ADAMTSL1: variants seen among roughly 807,000 people sequenced by gnomAD.
The protein encoded by ADAMTSL1 is ADAMTS like 1.
Under a neutral mutation model 201.8 loss-of-function variants are expected in ADAMTSL1, and 126 were observed. That is an observed-to-expected ratio of 0.62 (90% CI 0.54 to 0.72). ADAMTSL1 has a LOEUF of 0.72. ADAMTSL1 is among the 30% of genes least tolerant of loss of function. ADAMTSL1 has a pLI of 0.00. For synonymous variants in ADAMTSL1, 1,121 were observed against 903.4 expected (o/e 1.24, Z -4.32); for missense variants, 2,679 against 2,277.8 (o/e 1.18, Z -3.59).
At chr9:18,241,988 G>T (rs1017698598) in intron 2 of ADAMTSL1, among the ~76,000 whole-genome samples, 1 of 151,936 alleles carries the variant, frequency 6.6e-6, no homozygotes, top group Non-Finnish European at 1.5e-5. Context: ...TACTCGAGGG[G>T]GAGTACTTCC....
intron 2 of ADAMTSL1, among the ~76,000 whole-genome samples, chr9:18,164,502 A>G (rs1337842297): frequency 2.0e-5 from 3 of 151,770 alleles, no homozygotes; most frequent in Non-Finnish European, 4.4e-5. Flanking sequence ...AAACAATAGT[A>G]CAGTTGACTG....
chr9:18,545,531 T>C (rs992753459), intron 3 of ADAMTSL1, among the ~76,000 whole-genome samples: 7 of 152,170 alleles, frequency 4.6e-5, no homozygotes, highest in Non-Finnish European at 1.5e-5. Context: ...GCTAGAAGTA[T>C]ATGAACTGCT....
intron 2 of ADAMTSL1, among the ~76,000 whole-genome samples, chr9:18,284,652 T>C (rs1297582741): frequency 2.0e-5 from 3 of 152,238 alleles, no homozygotes; most frequent in Non-Finnish European, 4.4e-5. Context: ...TATGTGATCA[T>C]GTTGAATTTT....
At chr9:18,867,450 T>A (rs952783371) in intron 23 of ADAMTSL1, among the ~76,000 whole-genome samples, 2 of 152,106 alleles carry the variant, frequency 1.3e-5, no homozygotes, top group East Asian at 3.9e-4. Context: ...TGCAAATGTG[T>A]TTTTCTTTTT....
chr9:18,521,979 C>T (rs983689921), intron 2 of ADAMTSL1, among the ~76,000 whole-genome samples: 9 of 152,146 alleles, frequency 5.9e-5, no homozygotes, highest in Non-Finnish European at 1.3e-4. Flanking sequence ...GGGTGTTCAG[C>T]ATCCAGTCTG....
intron 25 of ADAMTSL1, among the ~76,000 whole-genome samples, chr9:18,890,114 G>A (rs543413732): frequency 3.3e-5 from 5 of 152,214 alleles, no homozygotes; most frequent in Non-Finnish European, 7.4e-5. Context: ...CTTTTCAATC[G>A]AAGGGCTGAG....
intron 23 of ADAMTSL1, among the ~76,000 whole-genome samples, chr9:18,862,883 T>C (rs879665783): frequency 2.6e-5 from 4 of 152,098 alleles, no homozygotes; most frequent in Non-Finnish European, 4.4e-5. Context: ...TTAAAAAAAA[T>C]GCTGATGTGT....
intron 19 of ADAMTSL1, among the ~76,000 whole-genome samples, chr9:18,793,707 C>T (rs961828438): frequency 6.6e-6 from 1 of 152,182 alleles, no homozygotes; most frequent in Non-Finnish European, 1.5e-5. Flanking sequence ...TGAGCCATTT[C>T]TGTGCTATCA....
chr9:18,621,664 G>C (rs1826042476), intron 4 of ADAMTSL1, among the ~76,000 whole-genome samples: 1 of 151,668 alleles, frequency 6.6e-6, no homozygotes, highest in Admixed American at 6.6e-5. Context: ...GCTAGAAAAG[G>C]AAGTATTTTC....
At chr9:18,748,650 G>T (rs1273661516) in intron 15 of ADAMTSL1, among the ~76,000 whole-genome samples, 2 of 152,114 alleles carry the variant, frequency 1.3e-5, no homozygotes, top group East Asian at 3.9e-4. Context: ...ATGTCCACCA[G>T]CCATGTGACT....
chr9:18,101,264 G>A (rs1195525478), intron 1 of ADAMTSL1, among the ~76,000 whole-genome samples: 10 of 152,288 alleles, frequency 6.6e-5, no homozygotes, highest in East Asian at 1.9e-4. Flanking sequence ...TTTGGAGGCT[G>A]AGGCGGGCAG....
rs749992759 is a variant in ADAMTSL1, at chr9:18,563,439, TG to T, written c.238-10590del. Among the ~76,000 whole-genome samples the T allele has an allele frequency of 3.9e-5, 6 of 152,230 alleles. No homozygotes were observed. The East Asian group carries it at 1.2e-3, about 30-fold the overall frequency. On this transcript the variant is annotated intron_variant, in intron 3 of 28. Coordinates refer to ENST00000380548, the MANE Select transcript of ADAMTSL1 (RefSeq NM_001040272.6). ...CCAGCTGGAGCTCTCCTATATGAGG[TG>T]TCTGTTGACCCCTGCTGGAAGGTGT...
chr9:18,312,669 A>G (rs1371105556), intron 2 of ADAMTSL1, among the ~76,000 whole-genome samples: 2 of 152,144 alleles, frequency 1.3e-5, no homozygotes, highest in Non-Finnish European at 2.9e-5. Flanking sequence ...CTGGGAACCA[A>G]TTTTTCATCC....
At chr9:18,001,735 G>A (rs899416606) in intron 1 of ADAMTSL1, among the ~76,000 whole-genome samples, 3 of 152,000 alleles carry the variant, frequency 2.0e-5, no homozygotes, top group African/African-American at 7.2e-5. Flanking sequence ...GGGATTTGAG[G>A]GAGCAGAGGT....
intron 1 of ADAMTSL1, among the ~76,000 whole-genome samples, chr9:17,908,657 C>A (rs984427634): frequency 6.6e-6 from 1 of 152,152 alleles, no homozygotes; most frequent in Non-Finnish European, 1.5e-5. Flanking sequence ...GGGTTTTCAC[C>A]TTGCTGGCCA....
intron 2 of ADAMTSL1, among the ~76,000 whole-genome samples, chr9:18,513,548 A>G (rs912481774): frequency 4.6e-5 from 7 of 152,098 alleles, no homozygotes; most frequent in Non-Finnish European, 7.3e-5. Context: ...TTTTGGTGTT[A>G]TAGCTGAGAG....
At chr9:18,810,335 T>C (rs138436217) in intron 20 of ADAMTSL1, among the ~76,000 whole-genome samples, 1 of 152,308 alleles carries the variant, frequency 6.6e-6, no homozygotes, top group Non-Finnish European at 1.5e-5. Context: ...ACAGTTCTGA[T>C]GAGCTTAATT....
rs372432601 is a variant in ADAMTSL1 at position 18,013,324 on chromosome 9, C to CT, written c.87+106408dup. On this transcript the variant is annotated intron_variant, in intron 1 of 29. Transcript: ENST00000680146. ...AAGTCTTTGGACTCCAAATCAGATG[C>CT]TTTTTTAATGGTCAGGAGGATATCT... is the stretch of plus-strand genomic sequence containing the variant. Among the ~76,000 whole-genome samples, 831 of 152,042 alleles carry CT rather than the reference C, an allele frequency of 5.5e-3. 7 individuals carry two copies. Among genetic ancestry groups the CT allele is most frequent in the African/African-American group, 0.019 (783 of 41,490 alleles).
At chr9:18,905,487 C>T in intron 26 of ADAMTSL1, 1 of 379,620 alleles carries the variant, frequency 2.6e-6, no homozygotes. Flanking sequence ...CATATTATGC[C>T]AAAATATCTT....
Sources: gnomAD v4.1 joint callset for allele counts (sites outside exome capture counted in the v4.1 genomes callset) on GRCh38, gnomAD v4.1.1 for gene constraint, MANE v1.5 for transcripts, NCBI Gene and HGNC (gene_info 2026-07-23, HGNC 2026-07-21) for gene names.